BTC: variants seen among roughly 807,000 people sequenced by gnomAD.
BTC encodes the protein probetacellulin.
A neutral mutation model predicts 18.1 loss-of-function variants in BTC; 13 were observed. The ratio of observed to expected loss-of-function variants is 0.72; its 90% CI spans 0.47 to 1.14. BTC has a LOEUF of 1.14. Ranked by LOEUF, BTC falls within the 50% of genes most tolerant of loss-of-function variation. The probability of loss-of-function intolerance (pLI) is 0.00; values close to 1 mark genes in which losing one functional copy is unlikely to be tolerated. For synonymous variants in BTC, 83 were observed against 79.4 expected, an observed-to-expected ratio of 1.05 and a Z score of -0.24; for missense variants, 247 against 224.2, an observed-to-expected ratio of 1.10 and a Z score of -0.65.
intron 1 of BTC, among the ~76,000 whole-genome samples, chr4:74,790,273 A>G (rs1374925478): frequency 2.0e-5 from 3 of 152,210 alleles, no homozygotes; most frequent in African/African-American, 2.4e-5. Context: ...GTCTATTATA[A>G]TAACTCATGC....
chr4:74,782,191 G>A (rs760334589), intron 1 of BTC, among the ~76,000 whole-genome samples: 4 of 151,818 alleles, frequency 2.6e-5, no homozygotes, highest in African/African-American at 4.8e-5. Flanking sequence ...ATAGTGGTTT[G>A]CTACACACAT....
chr4:74,749,362 G>C (rs1407955211), intron 4 of BTC, among the ~76,000 whole-genome samples: 1 of 152,010 alleles, frequency 6.6e-6, no homozygotes, highest in Non-Finnish European at 1.5e-5. Context: ...AGGAAGCTGA[G>C]GTAGGAGAAT....
Position 74,745,241 on chromosome 4 carries a change from G to T in BTC, c.*1436C>A, listed in dbSNP as rs1724259849. The T allele has an allele frequency of 6.6e-6, 1 of 152,092 alleles. No homozygotes were observed. Among genetic ancestry groups the T allele is most frequent in the Admixed American group, 6.6e-5 (1 of 15,266 alleles). 9.4% of individuals were successfully genotyped at this position (152,092 alleles called of 1,614,324 possible). On this transcript the variant is annotated 3_prime_UTR_variant, in exon 6 of 6. Coordinates refer to ENST00000395743, the MANE Select transcript of BTC (RefSeq NM_001729.4). ...GTTTGGCTTAGCTTTTACTAATAGGGGAGCTATTTATGTATCATATGTAAG... is the reference window on the plus strand; with the variant it reads ...GTTTGGCTTAGCTTTTACTAATAGGTGAGCTATTTATGTATCATATGTAAG...
At chr4:74,751,149 A>T (rs1724449236) in intron 3 of BTC, among the ~76,000 whole-genome samples, 1 of 152,146 alleles carries the variant, frequency 6.6e-6, no homozygotes, top group African/African-American at 2.4e-5. Context: ...TTATATAAAA[A>T]TTGTATGGTT....
chr4:74,787,314 G>A (rs1725505699), intron 1 of BTC, among the ~76,000 whole-genome samples: 1 of 151,990 alleles, frequency 6.6e-6, no homozygotes, highest in Admixed American at 6.6e-5. Context: ...CATATCCTCA[G>A]GAAAGAAAAT....
chr4:74,755,769 A>T, intron 3 of BTC, 90 bp downstream of exon 3: 1 of 1,219,216 alleles, frequency 8.2e-7, no homozygotes, highest in Admixed American at 1.9e-5. Flanking sequence ...GACAGATGGC[A>T]TGGTTAGCTC....
chr4:74,763,332 C>T (rs2109892696), intron 2 of BTC, among the ~76,000 whole-genome samples: 1 of 152,068 alleles, frequency 6.6e-6, no homozygotes, highest in Admixed American at 6.6e-5. Context: ...TTAAAATTAT[C>T]ATAACTCAGT....
intron 1 of BTC, among the ~76,000 whole-genome samples, chr4:74,775,570 G>A (rs935476613): frequency 3.9e-5 from 6 of 152,084 alleles, no homozygotes; most frequent in African/African-American, 1.2e-4. Context: ...CCTCAAGCCC[G>A]TATTTAAAAT....
intron 1 of BTC, among the ~76,000 whole-genome samples, chr4:74,774,931 G>T (rs1725138759): frequency 6.6e-6 from 1 of 152,010 alleles, no homozygotes; most frequent in African/African-American, 2.4e-5. Context: ...AAAAAAGAAA[G>T]GCCTATGAGG....
intron 3 of BTC, among the ~76,000 whole-genome samples, chr4:74,755,491 T>C (rs2109883570): frequency 6.6e-6 from 1 of 152,348 alleles, no homozygotes; most frequent in East Asian, 1.9e-4. Context: ...TTGGCAGGAA[T>C]TTCCTCGTAT....
chr4:74,766,032 A>G (rs1724893461), intron 2 of BTC, among the ~76,000 whole-genome samples: 1 of 152,148 alleles, frequency 6.6e-6, no homozygotes, highest in Non-Finnish European at 1.5e-5. Flanking sequence ...AGCAATCATA[A>G]CATAATAGTA....
intron 2 of BTC, among the ~76,000 whole-genome samples, chr4:74,760,641 A>G (rs1412222254): frequency 6.6e-6 from 1 of 152,152 alleles, no homozygotes; most frequent in Non-Finnish European, 1.5e-5. Context: ...AGGGGACGTT[A>G]CATCTCACAG....
chr4:74,790,437 G>A (rs1470765791), intron 1 of BTC, among the ~76,000 whole-genome samples: 1 of 152,184 alleles, frequency 6.6e-6, no homozygotes, highest in Non-Finnish European at 1.5e-5. Context: ...GAGCTAGCAA[G>A]TCACAGCACC....
chr4:74,768,539 A>G (rs1724958592), intron 2 of BTC, among the ~76,000 whole-genome samples: 5 of 152,192 alleles, frequency 3.3e-5, no homozygotes, highest in Admixed American at 1.3e-4. Context: ...CTCTACTTAT[A>G]TGAGGCATCT....
chr4:74,758,330 A>G (rs150603459), intron 2 of BTC, among the ~76,000 whole-genome samples: 2 of 152,352 alleles, frequency 1.3e-5, no homozygotes, highest in African/African-American at 4.8e-5. Context: ...TAAATGGTAT[A>G]CATAAAAATA....
At chr4:74,783,560 T>TAAGGAA (rs1725393858) in intron 1 of BTC, among the ~76,000 whole-genome samples, 1 of 150,784 alleles carries the variant, frequency 6.6e-6, no homozygotes, top group East Asian at 1.9e-4. Context: ...TACTTTTTGT[T>TAAGGAA]TGGGAATGTG....
intron 1 of BTC, among the ~76,000 whole-genome samples, chr4:74,783,437 C>G (rs1398996534): frequency 6.6e-6 from 1 of 152,004 alleles, no homozygotes; most frequent in East Asian, 1.9e-4. Flanking sequence ...TCTGAGTTCC[C>G]TATTCTCTTC....
intron 2 of BTC, among the ~76,000 whole-genome samples, chr4:74,759,498 C>G (rs1045978555): frequency 2.6e-5 from 4 of 152,048 alleles, no homozygotes; most frequent in African/African-American, 9.7e-5. Context: ...TGGATGGGCA[C>G]CACAGGTAAT....
intron 1 of BTC, among the ~76,000 whole-genome samples, chr4:74,784,937 C>T (rs924715984): frequency 3.3e-5 from 5 of 152,124 alleles, no homozygotes; most frequent in Non-Finnish European, 7.4e-5. Context: ...ATGCTGGCCT[C>T]ATAGAATGAG....
Sources: gnomAD v4.1 joint callset for allele counts (sites outside exome capture counted in the v4.1 genomes callset) on GRCh38, gnomAD v4.1.1 for gene constraint, MANE v1.5 for transcripts, NCBI Gene and HGNC (gene_info 2026-07-23, HGNC 2026-07-21) for gene names.